Variants in SELENON observed in about 807,000 individuals in gnomAD.
SELENON encodes the protein selenoprotein N, 1.
SELENON carries 44 observed loss-of-function variants against 59.5 expected under a neutral mutation model. The observed-to-expected ratio is 0.74, with a 90% CI of 0.58 to 0.95. SELENON has a LOEUF of 0.95. Among genes scored for constraint, SELENON ranks in the 40% least tolerant of loss-of-function variants. The pLI is 0.00. For missense variants in SELENON, 674 were observed against 721.4 expected (o/e 0.93, Z 0.75); for synonymous variants, 320 against 305.6 (o/e 1.05, Z -0.49).
At chr1:25,804,265 G>T (rs990913369) in intron 3 of SELENON, among the ~76,000 whole-genome samples, 13 of 152,258 alleles carry the variant, frequency 8.5e-5, no homozygotes, top group Middle Eastern at 6.8e-3. Flanking sequence ...TCTGAGGTGG[G>T]TTGTGAGCAT....
intron 12 of SELENON, among the ~76,000 whole-genome samples, chr1:25,815,189 G>A (rs1281227218): frequency 6.6e-6 from 1 of 152,084 alleles, no homozygotes; most frequent in Non-Finnish European, 1.5e-5. Context: ...CATTGAATGT[G>A]AGGCTGCAGT....
chr1:25,809,433 C>A (rs1178970513), intron 6 of SELENON, among the ~76,000 whole-genome samples: 1 of 152,242 alleles, frequency 6.6e-6, no homozygotes, highest in East Asian at 1.9e-4. Context: ...GGGAAGGACA[C>A]CCAGTCACAC....
At chr1:25,804,682 G>A (rs1024600890) in intron 3 of SELENON, among the ~76,000 whole-genome samples, 1 of 124,514 alleles carries the variant, frequency 8.0e-6, no homozygotes, top group Non-Finnish European at 1.6e-5. Flanking sequence ...AAAAGCAGGG[G>A]AAAGTGGGTC....
chr1:25,809,947 G>T, intron 7 of SELENON, 127 bp downstream of exon 6: 1 of 1,262,250 alleles, frequency 7.9e-7, no homozygotes, highest in East Asian at 2.3e-5. Context: ...ATCTCATGGG[G>T]CTGACGTGGC....
intron 4 of SELENON, 94 bp from the exon 4 acceptor site, chr1:25,808,486 G>A (rs553030963): frequency 2.1e-6 from 3 of 1,453,952 alleles, no homozygotes; most frequent in Admixed American, 3.4e-5. Flanking sequence ...GTGTGGGCTG[G>A]CTCGGGGCTT....
intron 10 of SELENON, among the ~76,000 whole-genome samples, chr1:25,813,330 G>A (rs1306101257): frequency 6.6e-6 from 1 of 152,180 alleles, no homozygotes; most frequent in African/African-American, 2.4e-5. Flanking sequence ...CAGTGGGCTG[G>A]GTGCTTGCGT....
At chr1:25,811,284 GC>G (rs1489132270) in intron 7 of SELENON, among the ~76,000 whole-genome samples, 169 bp from the exon 7 acceptor site, 1 of 152,360 alleles carries the variant, frequency 6.6e-6, no homozygotes, top group East Asian at 1.9e-4. Context: ...GGGGAAGAGG[GC>G]CAGGGCTCTG....
rs797045949 is a variant in SELENON at position 25,812,755 on chromosome 1, C to A, written c.1350C>A (p.Ile450=). Residue 450 remains isoleucine, a synonymous_variant, in exon 10 of 13, where the codon ATC becomes ATA. Transcript: ENST00000361547. ...CTGAGAACAAGCTGGTGCACTCAAT[C>A]CTGCTGTGGGGGGCCCTGGATGACC... 1 of 1,613,540 alleles carries A rather than the reference C, an allele frequency of 6.2e-7. No individual in the cohort carries two copies. Among genetic ancestry groups the A allele is most frequent in the Admixed American group, 1.7e-5 (1 of 59,990 alleles).
At chr1:25,813,794 T>C (rs754043046) in intron 10 of SELENON, 87 bp from the exon 10 acceptor site, 8 of 931,860 alleles carry the variant, frequency 8.6e-6, no homozygotes, top group Non-Finnish European at 1.3e-5. Flanking sequence ...GTGCAGAGAC[T>C]GTCCTGCAGC....
Position 25,800,247 on chromosome 1 carries a change from C to T in SELENON, c.17C>T (p.Pro6Leu). 1 of 883,844 alleles carries T rather than the reference C, an allele frequency of 1.1e-6. No individual in the cohort carries two copies. Among genetic ancestry groups the T allele is most frequent in the Non-Finnish European group, 1.4e-6 (1 of 740,042 alleles). The allele number at this position is 883,844 out of a possible 1,614,324, so 54.8% of individuals were successfully genotyped here. Residue 6 changes from proline to leucine, a missense_variant, in exon 1 of 13, where the codon CCG becomes CTG. Pro to Leu is a moderately conservative substitution (Grantham distance 98, BLOSUM62 -3). Coordinates refer to ENST00000361547, the MANE Select transcript of SELENON (RefSeq NM_020451.3). ...GCCGCAGCCATGGGCCGGGCCCGGC[C>T]GGGCCAACGCGGGCCGCCCAGCCCC...
At chr1:25,811,587 C>T (rs776588655) in intron 8 of SELENON, 52 bp downstream of exon 7, 5 of 1,605,386 alleles carry the variant, frequency 3.1e-6, no homozygotes, top group Non-Finnish European at 3.4e-6. Context: ...AGGGCCCCGC[C>T]CTCCCTCTGC....
At chr1:25,814,919 G>T (rs1383142134) in intron 12 of SELENON, among the ~76,000 whole-genome samples, 1 of 152,142 alleles carries the variant, frequency 6.6e-6, no homozygotes, top group Non-Finnish European at 1.5e-5. Context: ...TCCAGTGAGG[G>T]TTTGGTGTAA....
intron 4 of SELENON, among the ~76,000 whole-genome samples, chr1:25,806,133 G>A (rs1319664960): frequency 2.0e-5 from 3 of 152,228 alleles, no homozygotes; most frequent in African/African-American, 7.2e-5. Context: ...AGCACGAACA[G>A]AGGCCTGAAG....
intron 9 of SELENON, among the ~76,000 whole-genome samples, chr1:25,812,082 C>G (rs2047966327): frequency 6.6e-6 from 1 of 152,208 alleles, no homozygotes; most frequent in African/African-American, 2.4e-5. Flanking sequence ...ATGGCTCATG[C>G]CTATAATCCA....
At position 25,807,241 on chromosome 1, in the gene SELENON, C is replaced by G. The variant is rs763515976; in HGVS notation, c.538-1339C>G. Among the ~76,000 whole-genome samples, 8 of 152,260 alleles carry G rather than the reference C, an allele frequency of 5.3e-5. No homozygotes were observed. Among genetic ancestry groups the G allele is most frequent in the Non-Finnish European group, 1.0e-4 (7 of 68,024 alleles). On this transcript the variant is annotated intron_variant, in intron 4 of 12. Transcript: ENST00000361547. The surrounding 1 kb of genome is among the most constrained non-coding windows in gnomAD (Gnocchi z 4.5). ...CATTGCCCGTTTTGGGTCCTGTTTA[C>G]TTGCCGTCTCCCACTATAAGCTCCA... is the stretch of plus-strand genomic sequence containing the variant.
intron 7 of SELENON, among the ~76,000 whole-genome samples, chr1:25,811,049 G>A (rs1051112733): frequency 2.0e-4 from 31 of 152,328 alleles, no homozygotes; most frequent in African/African-American, 6.5e-4. Context: ...TGCACTGCTC[G>A]GCTCAGATTT....
chr1:25,812,564 AAC>A (rs59333545), intron 9 of SELENON, 121 bp from the exon 9 acceptor site: 24,652 of 570,350 alleles, frequency 0.043, 142 homozygotes, highest in African/African-American at 0.08. Flanking sequence ...CCTACACACA[AAC>A]ACACACACAC....
chr1:25,805,609 G>C (rs1178916800), intron 4 of SELENON, among the ~76,000 whole-genome samples: 1 of 151,854 alleles, frequency 6.6e-6, no homozygotes, highest in Non-Finnish European at 1.5e-5. Flanking sequence ...TAGAGACCCT[G>C]TTAGTGCAGC....
At position 25,815,697 on chromosome 1, in the gene SELENON, C is replaced by A; in HGVS notation, c.1752C>A (p.Gly584=). 5 of 1,614,096 alleles carry A rather than the reference C, an allele frequency of 3.1e-6. No individual in the cohort carries two copies. The highest frequency in any genetic ancestry group is 4.2e-6 in the Non-Finnish European group (5 of 1,180,028). The stretch of plus-strand genomic sequence containing the variant: ...TCCTGAAGGAGGGACTCCGGCGTGG[C>A]CTGCCCCTCCTCCAGCCCTAGAGTG... The change falls in exon 13 of 13, where the codon GGC becomes GGA. Residue 584 remains glycine (G), a synonymous_variant. Coordinates refer to ENST00000361547, the MANE Select transcript of SELENON (RefSeq NM_020451.3).
Sources: gnomAD v4.1 joint callset for allele counts (sites outside exome capture counted in the v4.1 genomes callset) on GRCh38, gnomAD v4.1.1 for gene constraint, Gnocchi (gnomAD v3.1) non-coding constraint, MANE v1.5 for transcripts, NCBI Gene and HGNC (gene_info 2026-07-23, HGNC 2026-07-21) for gene names.